Variants in SACM1L observed in about 807,000 individuals in gnomAD.
The protein encoded by SACM1L is phosphatidylinositol-3-phosphatase SAC1.
A neutral mutation model predicts 89.5 loss-of-function variants in SACM1L; 32 were observed. The observed-to-expected ratio is 0.36, with a 90% confidence interval of 0.27 to 0.48. The LOEUF (loss-of-function observed/expected upper bound fraction) is 0.48, where lower values mean the gene tolerates loss of function less well. SACM1L is among the 20% of genes least tolerant of loss of function. SACM1L has a pLI of 0.99. For synonymous variants in SACM1L, 213 were observed against 232.8 expected, an observed-to-expected ratio of 0.92 and a Z score of 0.77; for missense variants, 543 against 708.5, an observed-to-expected ratio of 0.77 and a Z score of 2.65.
intron 1 of SACM1L, among the ~76,000 whole-genome samples, chr3:45,698,613 C>A (rs1024344955): frequency 6.6e-6 from 1 of 152,176 alleles, no homozygotes; most frequent in Non-Finnish European, 1.5e-5. Context: ...TGCGATGGCG[C>A]AATCTCTGCT....
chr3:45,705,673 G>A (rs1297875144), intron 3 of SACM1L, among the ~76,000 whole-genome samples: 1 of 151,694 alleles, frequency 6.6e-6, no homozygotes, highest in East Asian at 1.9e-4. Context: ...CGGCTAATTT[G>A]TTATATTTTT....
chr3:45,709,842 C>T (rs916998624), intron 5 of SACM1L, among the ~76,000 whole-genome samples, 195 bp downstream of exon 5: 9 of 152,152 alleles, frequency 5.9e-5, no homozygotes, highest in African/African-American at 1.9e-4. Context: ...TGTATATATA[C>T]AGCCAGAATT....
At chr3:45,693,671 C>G (rs1698056284) in intron 1 of SACM1L, among the ~76,000 whole-genome samples, 1 of 152,174 alleles carries the variant, frequency 6.6e-6, no homozygotes, top group African/African-American at 2.4e-5. Context: ...TCCATATGAC[C>G]TTTTTTTCTC....
intron 1 of SACM1L, 137 bp downstream of exon 1, chr3:45,689,634 C>T (rs971100594): frequency 8.2e-6 from 9 of 1,091,526 alleles, no homozygotes; most frequent in African/African-American, 6.2e-5. Context: ...TTTCCTCAGC[C>T]GGCGCGGCCT....
intron 1 of SACM1L, among the ~76,000 whole-genome samples, chr3:45,694,312 A>G (rs1575381194): frequency 1.3e-5 from 2 of 152,172 alleles, no homozygotes; most frequent in East Asian, 3.8e-4. Flanking sequence ...AAAGAGTCTC[A>G]TAACTGTGAG....
In SACM1L at chr3:45,737,581, A is replaced by G; in HGVS notation, c.1240-2A>G. The G allele has an allele frequency of 6.3e-7, 1 of 1,591,462 alleles. No homozygotes were observed. The highest frequency in any genetic ancestry group is 8.5e-7 in the Non-Finnish European group (1 of 1,174,482). ...AAATCTGGGTGTGGTTTTTTATTCCAGAGACTAGGAGTTTTGCATGTGGGA... is the reference window on the plus strand; with the variant it reads ...AAATCTGGGTGTGGTTTTTTATTCCGGAGACTAGGAGTTTTGCATGTGGGA... On this transcript the variant is annotated splice_acceptor_variant, in intron 14 of 19. Coordinates refer to ENST00000389061, the MANE Select transcript of SACM1L (RefSeq NM_014016.5). LOFTEE classifies it high-confidence loss of function.
At chr3:45,738,969 T>A in intron 18 of SACM1L, 96 bp downstream of exon 18, 1 of 726,434 alleles carries the variant, frequency 1.4e-6, no homozygotes, top group Non-Finnish European at 2.3e-6. Flanking sequence ...TATGTGGTTT[T>A]ATATTTCATT....
intron 13 of SACM1L, 66 bp from the exon 14 acceptor site, chr3:45,735,169 A>G (rs1699171518): frequency 1.4e-6 from 2 of 1,421,978 alleles, no homozygotes; most frequent in African/African-American, 1.4e-5. Context: ...CCCATGTTAT[A>G]AGAGTTAAGT....
chr3:45,737,878 A>G (rs750732815), intron 16 of SACM1L, 34 bp downstream of exon 16: 5 of 1,536,722 alleles, frequency 3.3e-6, no homozygotes, highest in Admixed American at 3.4e-5. Flanking sequence ...ATTCCACATC[A>G]GTAGTTCACA....
chr3:45,724,774 T>C (rs1418856879), intron 11 of SACM1L, among the ~76,000 whole-genome samples: 9 of 152,156 alleles, frequency 5.9e-5, no homozygotes, highest in African/African-American at 1.9e-4. Flanking sequence ...ATCTTACAGT[T>C]AGGTCTTTGG....
Position 45,709,556 on chromosome 3 carries a change from T to C in SACM1L, c.392T>C (p.Phe131Ser). 6.2e-7 allele frequency: 1 copy of C among 1,613,852 alleles called. No homozygotes were observed. The highest frequency in any genetic ancestry group is 8.5e-7 in the Non-Finnish European group (1 of 1,179,826). ...MLNHVLNVDG[F>S]YFSTTYDLTH... ...AACCATGTCTTGAATGTGGATGGAT[T>C]TTACTTTTCAACAACATATGATTTG... is the stretch of plus-strand genomic sequence containing the variant. Residue 131 changes from phenylalanine (F) to serine (S), a missense_variant, in exon 5 of 20, where the codon TTT becomes TCT. Around this residue, in one of 2 missense-constraint regions of SACM1L, gnomAD observed 173 missense variants for 180.9 expected, o/e 0.96. Transcript: ENST00000389061.
rs1225525733 is a variant in SACM1L at position 45,689,463 on chromosome 3, A to G, written c.-3A>G. 3 of 1,573,706 alleles carry G rather than the reference A, an allele frequency of 1.9e-6. No individual in the cohort carries two copies. The highest frequency in any genetic ancestry group is 1.9e-5 in the Admixed American group (1 of 52,890). ...GAGAGAAGGAAGGAGGTGGTTGTGC[A>G]GGATGGCGACGGCGGCCTACGAGCA... is the stretch of plus-strand genomic sequence containing the variant. On this transcript the variant is annotated 5_prime_UTR_variant, in exon 1 of 20. Coordinates refer to ENST00000389061, the MANE Select transcript of SACM1L (RefSeq NM_014016.5).
intron 7 of SACM1L, among the ~76,000 whole-genome samples, chr3:45,716,468 C>A (rs946030294): frequency 6.6e-6 from 1 of 152,168 alleles, no homozygotes; most frequent in East Asian, 1.9e-4. Context: ...GACCTCTACT[C>A]AAAAGATTTT....
chr3:45,733,044 CTGT>C (rs777070874), intron 13 of SACM1L, among the ~76,000 whole-genome samples: 1 of 152,208 alleles, frequency 6.6e-6, no homozygotes, highest in Non-Finnish European at 1.5e-5. Flanking sequence ...AATTGACCTC[CTGT>C]TGTTGGGCAA....
chr3:45,737,278 G>A (rs1286818407), intron 14 of SACM1L: 1 of 322,292 alleles, frequency 3.1e-6, no homozygotes, highest in Non-Finnish European at 5.6e-6. Context: ...GGAGGAAGTA[G>A]CGGCTGGAAT....
intron 1 of SACM1L, among the ~76,000 whole-genome samples, chr3:45,696,091 G>A (rs184324880): frequency 6.6e-6 from 1 of 150,696 alleles, no homozygotes; most frequent in East Asian, 2.0e-4. Context: ...TCTGCCTCCT[G>A]GGTTCAAGCA....
chr3:45,738,348 T>C (rs1403878815), intron 16 of SACM1L, among the ~76,000 whole-genome samples: 1 of 152,240 alleles, frequency 6.6e-6, no homozygotes, highest in African/African-American at 2.4e-5. Context: ...TTCTTGTCTT[T>C]GCAACTGGAA....
chr3:45,737,237 G>C (rs974587796), intron 14 of SACM1L: 1 of 255,278 alleles, frequency 3.9e-6, no homozygotes, highest in African/African-American at 2.3e-5. Context: ...TCAAGGGGTA[G>C]AGGCAGTAGA....
At position 45,710,950 on chromosome 3, in the gene SACM1L, C is replaced by T. The variant is rs536939836; in HGVS notation, c.483+1303C>T. 6.6e-5 allele frequency among the ~76,000 whole-genome samples: 10 copies of T among 152,210 alleles called. No homozygotes were observed. In the East Asian group the frequency reaches 9.7e-4, roughly 15 times the overall value. ...ATTTGTTTATGAAACATCTCTACAACGTCAGCCATGTACCAGGAACTATAC... is the reference window on the plus strand; with the variant it reads ...ATTTGTTTATGAAACATCTCTACAATGTCAGCCATGTACCAGGAACTATAC... On this transcript the variant is annotated intron_variant, in intron 5 of 19. Coordinates refer to ENST00000389061, the MANE Select transcript of SACM1L (RefSeq NM_014016.5).
Sources: gnomAD v4.1 joint callset for allele counts (sites outside exome capture counted in the v4.1 genomes callset) on GRCh38, gnomAD v4.1.1 for gene constraint, gnomAD v4.1.1 regional missense constraint, MANE v1.5 for transcripts, NCBI Gene and HGNC (gene_info 2026-07-23, HGNC 2026-07-21) for gene names.